Variants in ZNF776 observed in about 807,000 individuals in gnomAD.
ZNF776 encodes zinc finger protein 776.
A neutral mutation model predicts 7.0 loss-of-function variants in ZNF776; 4 were observed. That is an observed-to-expected ratio of 0.57 (90% CI 0.28 to 1.31). The LOEUF (loss-of-function observed/expected upper bound fraction) is 1.31, where lower values mean the gene tolerates loss of function less well. Ranked by LOEUF, ZNF776 falls within the 50% of genes most tolerant of loss-of-function variation. The pLI is 0.10. For missense variants in ZNF776, 555 were observed against 625.9 expected, an observed-to-expected ratio of 0.89 and a Z score of 1.21; for synonymous variants, 212 against 213.7, an observed-to-expected ratio of 0.99 and a Z score of 0.07.
chr19:57,753,847 T>C lies in ZNF776; in HGVS notation c.717T>C (p.Ser239=). ...LLPREGPYVC[S]DSGKFTSKSN... ...CTAGAGAAGGACCTTATGTATGCAGTGATTCTGGGAAATTCACTAGCAAAA... is the reference window on the plus strand; with the variant it reads ...CTAGAGAAGGACCTTATGTATGCAGCGATTCTGGGAAATTCACTAGCAAAA... Residue 239 remains serine, a synonymous_variant, in exon 3 of 3, where the codon AGT becomes AGC. Transcript: ENST00000317178. 6.2e-7 allele frequency: 1 copy of C among 1,614,234 alleles called. No individual in the cohort carries two copies. The highest frequency in any genetic ancestry group is 8.5e-7 in the Non-Finnish European group (1 of 1,180,038).
chr19:57,754,528 G>A lies in ZNF776; in HGVS notation c.1398G>A (p.Gly466=), dbSNP rs1986714708. The change falls in exon 3 of 3, where the codon GGG becomes GGA. Residue 466 remains glycine (G), a synonymous_variant. Coordinates refer to ENST00000317178, the MANE Select transcript of ZNF776 (RefSeq NM_173632.4). ...GGCCACATGAGTGTGGAGAATGTGG[G>A]AAATGTTTTCATCAAAAGGGCAGTC... ...GERPHECGEC[G]KCFHQKGSLI... The A allele has an allele frequency of 6.2e-7, 1 of 1,613,600 alleles. No individual in the cohort carries two copies.
chr19:57,753,838 T>G lies in ZNF776; in HGVS notation c.708T>G (p.Tyr236Ter), dbSNP rs371142768. 4 of 1,614,244 alleles carry G rather than the reference T, an allele frequency of 2.5e-6. No individual in the cohort carries two copies. Among genetic ancestry groups the G allele is most frequent in the Admixed American group, 3.3e-5 (2 of 60,038 alleles). The change falls in exon 3 of 3, where the codon TAT (tyrosine) becomes TAG (stop). Residue 236 changes from tyrosine (Y) to a stop codon, truncating the protein, a stop_gained. Coordinates refer to ENST00000317178, the MANE Select transcript of ZNF776 (RefSeq NM_173632.4). LOFTEE classifies it low-confidence loss of function (END_TRUNC). ...GACTTCTCCCTAGAGAAGGACCTTATGTATGCAGTGATTCTGGGAAATTCA... is the reference window on the plus strand; with the variant it reads ...GACTTCTCCCTAGAGAAGGACCTTAGGTATGCAGTGATTCTGGGAAATTCA... Reference protein sequence around the residue: ...HQRLLPREGPYVCSDSGKFTS... With the variant: ...HQRLLPREGP
Position 57,754,350 on chromosome 19 carries a change from A to G in ZNF776, c.1220A>G (p.Lys407Arg). 2.5e-6 allele frequency: 4 copies of G among 1,613,452 alleles called. No homozygotes were observed. The highest frequency in any genetic ancestry group is 3.4e-6 in the Non-Finnish European group (4 of 1,179,810). The change falls in exon 3 of 3, where the codon AAA becomes AGA. Residue 407 changes from lysine to arginine, a missense_variant. By Grantham distance (26) the Lys-to-Arg change is conservative. Transcript: ENST00000317178. ...VHTGERPYEC[K>R]ECRKSFRYKS... is the part of the protein sequence containing the mutation. ...ACTGGAGAAAGACCCTATGAGTGTA[A>G]AGAATGTAGGAAATCATTTAGGTAC...
rs1025594261 is a variant in ZNF776, at chr19:57,756,862, A to T, written c.*2175A>T. ...AAGAAATCATAATTCTTTAATTTTT[A>T]TTTTTTTAGGGAAATGATGTCACTC... is the stretch of plus-strand genomic sequence containing the variant. On this transcript the variant is annotated 3_prime_UTR_variant, in exon 3 of 3. Transcript: ENST00000317178. 4 of 455,780 alleles carry T rather than the reference A, an allele frequency of 8.8e-6. No homozygotes were observed. The highest frequency in any genetic ancestry group is 4.0e-5 in the African/African-American group (2 of 50,090). 28.2% of individuals were successfully genotyped at this position (455,780 alleles called of 1,614,324 possible). A position where few individuals can be genotyped will look rare whatever the true frequency, so the allele number is the denominator to read the frequency against.
chr19:57,747,241 C>A (rs1182807528), intron 1 of ZNF776, 150 bp downstream of exon 1: 2 of 773,844 alleles, frequency 2.6e-6, no homozygotes, highest in East Asian at 2.9e-5. Flanking sequence ...TTTTGACACC[C>A]GCGGGATGCG....
intron 1 of ZNF776, among the ~76,000 whole-genome samples, chr19:57,749,963 G>A (rs1323574765): frequency 2.9e-4 from 44 of 152,130 alleles, no homozygotes; most frequent in Admixed American, 2.8e-3. Flanking sequence ...AGTGTTTGAT[G>A]TCATGTGTTT....
intron 1 of ZNF776, among the ~76,000 whole-genome samples, chr19:57,750,534 A>C (rs868811272): frequency 6.6e-6 from 1 of 152,170 alleles, no homozygotes; most frequent in Admixed American, 6.5e-5. Flanking sequence ...CTTCATCTCT[A>C]CCAGGGGCAT....
chr19:57,753,903 G>T lies in ZNF776; in HGVS notation c.773G>T (p.Arg258Leu), dbSNP rs762108468. The change falls in exon 3 of 3, where the codon CGC becomes CTC. Residue 258 changes from arginine (R) to leucine (L), a missense_variant. By Grantham distance (102) the Arg-to-Leu change is moderately radical. Coordinates refer to ENST00000317178, the MANE Select transcript of ZNF776 (RefSeq NM_173632.4). ...AGTTTTAATAATCATCAGGGAGTTCGCACTGGAAAAAGACCTTATCAGTGT... is the reference window on the plus strand; with the variant it reads ...AGTTTTAATAATCATCAGGGAGTTCTCACTGGAAAAAGACCTTATCAGTGT... ...SNSFNNHQGV[R>L]TGKRPYQCGQ... The T allele has an allele frequency of 1.2e-6, 2 of 1,614,190 alleles. No individual in the cohort carries two copies. Among genetic ancestry groups the T allele is most frequent in the South Asian group, 2.2e-5 (2 of 91,080 alleles).
At chr19:57,753,222 T>A in intron 2 of ZNF776, 69 bp from the exon 3 acceptor site, 1 of 1,431,602 alleles carries the variant, frequency 7.0e-7, no homozygotes, top group Non-Finnish European at 9.6e-7. Flanking sequence ...CAGCTGTTGA[T>A]CAGGTATGGC....
rs531700997 is a variant in ZNF776, at chr19:57,748,522, G to A, written c.33+1431G>A. 1.4e-4 allele frequency among the ~76,000 whole-genome samples: 21 copies of A among 152,268 alleles called. No homozygotes were observed. The South Asian group carries it at 4.1e-3, about 30-fold the overall frequency. ...TATGGTAGCTAATGTGTATGCTATG[G>A]TGAGTGAGCCATGGGTCACATTAAG... On this transcript the variant is annotated intron_variant, in intron 1 of 2. Coordinates refer to ENST00000317178, the MANE Select transcript of ZNF776 (RefSeq NM_173632.4).
intron 1 of ZNF776, among the ~76,000 whole-genome samples, chr19:57,749,583 C>G (rs1986542861): frequency 6.6e-6 from 1 of 152,178 alleles, no homozygotes; most frequent in Non-Finnish European, 1.5e-5. Context: ...ACCTTGACAT[C>G]TAGTGATATT....
intron 1 of ZNF776, among the ~76,000 whole-genome samples, chr19:57,748,337 G>A (rs1422181275): frequency 1.3e-5 from 2 of 152,162 alleles, no homozygotes; most frequent in African/African-American, 4.8e-5. Context: ...CAGCTGAGAT[G>A]AGCATGTTGG....
In ZNF776 at chr19:57,749,860, A is replaced by G. The variant is rs112991224; in HGVS notation, c.34-925A>G. On this transcript the variant is annotated intron_variant, in intron 1 of 2. Transcript: ENST00000317178. Reference sequence around the variant, plus strand: ...TTTCTGGTTATGCACTCTTATCCATAGTGCAACCCCTATGTGGTCCTTCAT... The same window carrying G: ...TTTCTGGTTATGCACTCTTATCCATGGTGCAACCCCTATGTGGTCCTTCAT... Among the ~76,000 whole-genome samples the G allele has an allele frequency of 4.6e-3, 696 of 152,298 alleles. 7 individuals are homozygous for G. Among genetic ancestry groups the G allele is most frequent in the African/African-American group, 0.016 (655 of 41,554 alleles).
At position 57,746,838 on chromosome 19, in the gene ZNF776, G is replaced by C. The variant is rs1023489149; in HGVS notation, c.-221G>C. On this transcript the variant is annotated 5_prime_UTR_variant, in exon 1 of 3. Coordinates refer to ENST00000317178, the MANE Select transcript of ZNF776 (RefSeq NM_173632.4). Reference sequence around the variant, plus strand: ...CTAGTGGCCATTTTGATTGGTGTTGGGTGTATTTTCCAGTGAGAGACCGCG... The same window carrying C: ...CTAGTGGCCATTTTGATTGGTGTTGCGTGTATTTTCCAGTGAGAGACCGCG... 2.2e-6 allele frequency: 1 copy of C among 449,792 alleles called. No homozygotes were observed. Among genetic ancestry groups the C allele is most frequent in the South Asian group, 4.9e-5 (1 of 20,302 alleles). The allele number at this position is 449,792 out of a possible 1,614,324, so 27.9% of individuals were successfully genotyped here.
intron 1 of ZNF776, among the ~76,000 whole-genome samples, chr19:57,750,433 A>AG (rs1314329112): frequency 3.3e-4 from 6 of 18,342 alleles, no homozygotes; most frequent in Non-Finnish European, 4.9e-4. Context: ...ACCCTATCTC[A>AG]AAAAAAAAAA....
At position 57,754,787 on chromosome 19, in the gene ZNF776, T is replaced by A; in HGVS notation, c.*100T>A. The A allele has an allele frequency of 7.8e-7, 1 of 1,278,320 alleles. No individual in the cohort carries two copies. Among genetic ancestry groups the A allele is most frequent in the Non-Finnish European group, 1.1e-6 (1 of 923,366 alleles). 79.2% of individuals were successfully genotyped at this position (1,278,320 alleles called of 1,614,324 possible). A position where few individuals can be genotyped will look rare whatever the true frequency, so the allele number is the denominator to read the frequency against. The stretch of plus-strand genomic sequence containing the variant: ...AGTATGGAGAATGTGCAAAATCATC[T>A]AGCCAAAAGGTTGGCCTCATTCAAC... On this transcript the variant is annotated 3_prime_UTR_variant, in exon 3 of 3. Coordinates refer to ENST00000317178, the MANE Select transcript of ZNF776 (RefSeq NM_173632.4).
intron 1 of ZNF776, among the ~76,000 whole-genome samples, chr19:57,748,641 G>T (rs1252667783): frequency 6.6e-6 from 1 of 152,130 alleles, no homozygotes; most frequent in Non-Finnish European, 1.5e-5. Context: ...TGGGTCCCTG[G>T]GTAATGTTAC....
chr19:57,754,630 G>A lies in ZNF776; in HGVS notation c.1500G>A (p.Lys500=). The change falls in exon 3 of 3, where the codon AAG becomes AAA. Residue 500 remains lysine (K), a synonymous_variant. Coordinates refer to ENST00000317178, the MANE Select transcript of ZNF776 (RefSeq NM_173632.4). ...CGECGKCFRQ[K]GNLIKHQRVH... ...AATGTGGAAAGTGTTTTCGTCAAAA[G>A]GGAAACCTCATTAAACATCAACGAG... 6.2e-7 allele frequency: 1 copy of A among 1,614,046 alleles called. No individual in the cohort carries two copies. The highest frequency in any genetic ancestry group is 1.1e-5 in the South Asian group (1 of 91,080).
rs757957666 is a variant in ZNF776, at chr19:57,753,946, A to T, written c.816A>T (p.Ser272=). The part of the protein sequence containing the change: ...RPYQCGQCDE[S]FWYKAHLTEH... ...ATCAGTGTGGACAATGTGATGAATC[A>T]TTTTGGTATAAGGCCCACCTCACTG... Residue 272 remains serine, a synonymous_variant, in exon 3 of 3, where the codon TCA becomes TCT. Coordinates refer to ENST00000317178, the MANE Select transcript of ZNF776 (RefSeq NM_173632.4). The T allele has an allele frequency of 6.2e-7, 1 of 1,614,102 alleles. No homozygotes were observed. The highest frequency in any genetic ancestry group is 1.7e-5 in the Admixed American group (1 of 60,006).
Sources: allele counts gnomAD v4.1 joint callset (sites outside exome capture counted in the v4.1 genomes callset), GRCh38; gene constraint gnomAD v4.1.1; transcripts MANE v1.5; gene names NCBI Gene and HGNC (gene_info 2026-07-23, HGNC 2026-07-21).